The following VAV3 variants were observed in gnomAD, a reference collection of about 807,000 sequenced individuals.
VAV3 encodes vav guanine nucleotide exchange factor 3.
Under a neutral mutation model 131.2 loss-of-function variants are expected in VAV3, and 94 were observed. The ratio of observed to expected loss-of-function variants is 0.72; its 90% confidence interval spans 0.61 to 0.85. The LOEUF is 0.85. VAV3 is among the 40% of genes least tolerant of loss of function. The pLI is 0.00. For synonymous variants in VAV3, 349 were observed against 342.0 expected (o/e 1.02, Z -0.22); for missense variants, 939 against 1,002.7 (o/e 0.94, Z 0.86).
At chr1:107,800,500 A>T (rs907829059) in intron 2 of VAV3, among the ~76,000 whole-genome samples, 1 of 152,060 alleles carries the variant, frequency 6.6e-6, no homozygotes, top group African/African-American at 2.4e-5. Flanking sequence ...CTTCTGAGAA[A>T]TTTTTACTCA....
chr1:107,821,581 G>A (rs757420845), intron 2 of VAV3, among the ~76,000 whole-genome samples: 15 of 152,190 alleles, frequency 9.9e-5, no homozygotes, highest in East Asian at 3.9e-4. Flanking sequence ...AGTGTGTGGC[G>A]TGTTCTAGGA....
intron 19 of VAV3, among the ~76,000 whole-genome samples, chr1:107,661,659 T>C (rs1302724584): frequency 2.0e-5 from 3 of 152,208 alleles, no homozygotes; most frequent in Admixed American, 6.5e-5. Flanking sequence ...CATATGTGCA[T>C]GTTTATCATT....
chr1:107,953,898 G>A (rs1158290244), intron 1 of VAV3, among the ~76,000 whole-genome samples: 1 of 152,202 alleles, frequency 6.6e-6, no homozygotes, highest in Non-Finnish European at 1.5e-5. Flanking sequence ...AGTAGCATGT[G>A]CTGCTGGCTT....
intron 1 of VAV3, among the ~76,000 whole-genome samples, chr1:107,922,681 G>A (rs916636324): frequency 2.0e-5 from 3 of 152,090 alleles, no homozygotes; most frequent in East Asian, 1.9e-4. Flanking sequence ...GGCCGGGCGC[G>A]GTGGCTCACG....
chr1:107,960,255 C>T (rs974849245), intron 1 of VAV3, among the ~76,000 whole-genome samples: 1 of 152,124 alleles, frequency 6.6e-6, no homozygotes, highest in Non-Finnish European at 1.5e-5. Context: ...ACTGCCTGAG[C>T]TCAGGAGTTG....
intron 23 of VAV3, among the ~76,000 whole-genome samples, 155 bp downstream of exon 23, chr1:107,602,892 T>A (rs1340942865): frequency 1.3e-5 from 2 of 152,222 alleles, no homozygotes; most frequent in Non-Finnish European, 2.9e-5. Context: ...TTTTCAAAGA[T>A]ATATTTTCAA....
At chr1:107,869,631 C>T (rs1471379689) in intron 2 of VAV3, among the ~76,000 whole-genome samples, 3 of 152,096 alleles carry the variant, frequency 2.0e-5, no homozygotes, top group African/African-American at 7.2e-5. Context: ...AACTCAGAAA[C>T]CATGTATTGT....
intron 2 of VAV3, among the ~76,000 whole-genome samples, chr1:107,790,194 C>A (rs1016915245): frequency 6.6e-6 from 1 of 152,184 alleles, no homozygotes; most frequent in African/African-American, 2.4e-5. Flanking sequence ...AGGTGGCCAG[C>A]CCTGGAGGGA....
chr1:107,629,871 C>T (rs1654319435), intron 20 of VAV3, among the ~76,000 whole-genome samples: 1 of 152,070 alleles, frequency 6.6e-6, no homozygotes, highest in African/African-American at 2.4e-5. Flanking sequence ...TTTGTATTCT[C>T]CTGACATAGA....
intron 2 of VAV3, among the ~76,000 whole-genome samples, chr1:107,781,435 A>G (rs1425257855): frequency 6.6e-6 from 1 of 152,272 alleles, no homozygotes; most frequent in African/African-American, 2.4e-5. Context: ...GTGATGCAAT[A>G]CATATGTTAA....
At chr1:107,662,661 C>T (rs546303130) in intron 19 of VAV3, among the ~76,000 whole-genome samples, 1 of 152,280 alleles carries the variant, frequency 6.6e-6, no homozygotes, top group South Asian at 2.1e-4. Flanking sequence ...TATGTGCTGA[C>T]GTTTTAGCAA....
intron 2 of VAV3, among the ~76,000 whole-genome samples, chr1:107,822,516 A>G (rs80173139): frequency 0.093 from 14,183 of 151,864 alleles, 842 homozygotes; most frequent in East Asian, 0.25. Flanking sequence ...ACAGCCGGGC[A>G]AGGTGGCGGG....
At chr1:107,868,648 G>A (rs1463595734) in intron 2 of VAV3, among the ~76,000 whole-genome samples, 1 of 152,118 alleles carries the variant, frequency 6.6e-6, no homozygotes, top group Non-Finnish European at 1.5e-5. Flanking sequence ...TTTACATGCT[G>A]CAAAATAGGT....
At chr1:107,825,254 G>T (rs1441969622) in intron 2 of VAV3, among the ~76,000 whole-genome samples, 1 of 152,094 alleles carries the variant, frequency 6.6e-6, no homozygotes, top group Non-Finnish European at 1.5e-5. Context: ...AGATAGGTTG[G>T]TCTAAAATGA....
At chr1:107,946,144 T>C (rs944112608) in intron 1 of VAV3, among the ~76,000 whole-genome samples, 4 of 152,066 alleles carry the variant, frequency 2.6e-5, no homozygotes, top group Non-Finnish European at 4.4e-5. Flanking sequence ...GATGGGATAA[T>C]GGATTGGCAT....
rs1260118112 is a variant in VAV3 at position 107,768,452 on chromosome 1, T to C, written c.706A>G (p.Ile236Val). Reference sequence around the variant, plus strand: ...ATATTTTTACTCACAGGAATGTTGATGAATACTGAATCAAATTCTGCTGCT... The same window carrying C: ...ATATTTTTACTCACAGGAATGTTGACGAATACTGAATCAAATTCTGCTGCT... ...LTAAEFDSVFINIPELVKLHR... is the reference protein window; with the variant it reads ...LTAAEFDSVFVNIPELVKLHR... The change falls in exon 7 of 27, where the codon ATC becomes GTC. Residue 236 changes from isoleucine to valine, a missense_variant. Ile to Val is a conservative substitution (Grantham distance 29, BLOSUM62 3). Transcript: ENST00000370056. 1 of 1,612,054 alleles carries C rather than the reference T, an allele frequency of 6.2e-7. No homozygotes were observed. Among genetic ancestry groups the C allele is most frequent in the Non-Finnish European group, 8.5e-7 (1 of 1,179,050 alleles).
At chr1:107,808,743 T>C (rs1209132108) in intron 2 of VAV3, among the ~76,000 whole-genome samples, 1 of 152,178 alleles carries the variant, frequency 6.6e-6, no homozygotes, top group African/African-American at 2.4e-5. Context: ...AGCTCCACAA[T>C]ATTCCATAGT....
At chr1:107,793,834 A>C (rs1485901521) in intron 2 of VAV3, among the ~76,000 whole-genome samples, 1 of 152,250 alleles carries the variant, frequency 6.6e-6, no homozygotes, top group Non-Finnish European at 1.5e-5. Flanking sequence ...TTGTTTTAAC[A>C]ATAGCCTAAG....
chr1:107,655,195 G>A (rs1453459906), intron 19 of VAV3, among the ~76,000 whole-genome samples: 2 of 152,044 alleles, frequency 1.3e-5, no homozygotes, highest in African/African-American at 4.8e-5. Flanking sequence ...AATAAAGCTG[G>A]AGATATCACA....
Sources: gnomAD v4.1 joint callset for allele counts (sites outside exome capture counted in the v4.1 genomes callset) on GRCh38, gnomAD v4.1.1 for gene constraint, MANE v1.5 for transcripts, NCBI Gene and HGNC (gene_info 2026-07-23, HGNC 2026-07-21) for gene names.